FBXO7: variants seen among roughly 807,000 people sequenced by gnomAD.
The protein encoded by FBXO7 is F-box only protein 7.
A neutral mutation model predicts 50.2 loss-of-function variants in FBXO7; 31 were observed. That is an observed-to-expected ratio of 0.62 (90% CI 0.46 to 0.83). FBXO7 has a LOEUF of 0.83. Ranked by LOEUF, FBXO7 falls within the 40% of genes least tolerant of loss-of-function variation. The pLI, the probability that FBXO7 is intolerant of heterozygous loss-of-function variation, is 0.00. For missense variants in FBXO7, 667 were observed against 646.6 expected, an observed-to-expected ratio of 1.03 and a Z score of -0.34; for synonymous variants, 256 against 253.1, an observed-to-expected ratio of 1.01 and a Z score of -0.11.
At chr22:32,495,291 C>CAGAGCACAACA (rs1282075593) in intron 7 of FBXO7, among the ~76,000 whole-genome samples, 3 of 152,060 alleles carry the variant, frequency 2.0e-5, no homozygotes, top group Admixed American at 6.6e-5. Flanking sequence ...CAGCAATGAT[C>CAGAGCACAACA]ACCCTTAACC....
At position 32,479,003 on chromosome 22, in the gene FBXO7, A is replaced by G; in HGVS notation, c.145A>G (p.Thr49Ala). Residue 49 changes from threonine to alanine, a missense_variant, in exon 2 of 9, where the codon ACA becomes GCA. By Grantham distance (58) the Thr-to-Ala change is moderately conservative (BLOSUM62 0). Coordinates refer to ENST00000266087, the MANE Select transcript of FBXO7 (RefSeq NM_012179.4). ...CAGTTCTAATACCCGATTTACAATT[A>G]CATTGAACTACAAGGATCCCCTCAC... is the stretch of plus-strand genomic sequence containing the variant. ...GYSSNTRFTI[T>A]LNYKDPLTGD... 1 of 1,614,232 alleles carries G rather than the reference A, an allele frequency of 6.2e-7. No individual in the cohort carries two copies. The highest frequency in any genetic ancestry group is 8.5e-7 in the Non-Finnish European group (1 of 1,180,032).
At chr22:32,497,093 C>T (rs1477661949) in intron 8 of FBXO7, among the ~76,000 whole-genome samples, 1 of 152,200 alleles carries the variant, frequency 6.6e-6, no homozygotes, top group Non-Finnish European at 1.5e-5. Flanking sequence ...GCTGCAGTCT[C>T]ACAGTCAAAC....
rs1317422270 is a variant in FBXO7, at chr22:32,491,155, A to G, written c.941A>G (p.Tyr314Cys). The G allele has an allele frequency of 2.5e-6, 4 of 1,612,342 alleles. No homozygotes were observed. The highest frequency in any genetic ancestry group is 3.4e-6 in the Non-Finnish European group (4 of 1,178,566). ...LSRLFKDQLV[Y>C]PLLAFTRQAL... Reference sequence around the variant, plus strand: ...CGCCTCTTTAAAGACCAGCTGGTGTATCCTCTTCTGGCTTTTACCCGACAA... The same window carrying G: ...CGCCTCTTTAAAGACCAGCTGGTGTGTCCTCTTCTGGCTTTTACCCGACAA... The change falls in exon 6 of 9, where the codon TAT becomes TGT. Residue 314 changes from tyrosine (Y) to cysteine (C), a missense_variant. Physicochemically the swap from Tyr to Cys is radical, Grantham distance 194. Transcript: ENST00000266087.
chr22:32,475,528 A>G, intron 1 of FBXO7: 1 of 1,114,186 alleles, frequency 9.0e-7, no homozygotes, highest in Non-Finnish European at 1.3e-6. Context: ...CTGGACTGTG[A>G]GGGGTCCGAG....
At chr22:32,481,375 A>G (rs2057463847) in intron 2 of FBXO7, among the ~76,000 whole-genome samples, 1 of 152,046 alleles carries the variant, frequency 6.6e-6, no homozygotes, top group Non-Finnish European at 1.5e-5. Context: ...CATTACTTTT[A>G]CTTCTGTGTA....
In FBXO7 at chr22:32,475,262, G is replaced by T. The variant is rs1348857968; in HGVS notation, c.122+138G>T. ...GGCCAAGTGCGGGGACGCCGGGGGG[G>T]CCTTCACGGGAGGCCCGGGCTCTTC... On this transcript the variant is annotated intron_variant, in intron 1 of 8. Transcript: ENST00000266087. The T allele has an allele frequency of 2.6e-6, 4 of 1,561,204 alleles. No homozygotes were observed. In the East Asian group the frequency reaches 7.1e-5, roughly 28 times the overall value.
rs372539115 is a variant in FBXO7, at chr22:32,485,141, A to G, written c.719A>G (p.His240Arg). 6.2e-7 allele frequency: 1 copy of G among 1,614,206 alleles called. No homozygotes were observed. Among genetic ancestry groups the G allele is most frequent in the Admixed American group, 1.7e-5 (1 of 60,030 alleles). Residue 240 changes from histidine to arginine, a missense_variant, in exon 4 of 9, where the codon CAT (histidine) becomes CGT (arginine). Coordinates refer to ENST00000266087, the MANE Select transcript of FBXO7 (RefSeq NM_012179.4). The stretch of plus-strand genomic sequence containing the variant: ...GGGGTGTATAAGCTGCAGTACATGC[A>G]TCCTCTCTGCGAGGGCAGCTCCGCT... ...LSGVYKLQYM[H>R]PLCEGSSATL...
rs1201708753 is a variant in FBXO7 at position 32,484,142 on chromosome 22, AAC to A, written c.645+22_645+23del. On this transcript the variant is annotated intron_variant, in intron 3 of 8. Transcript: ENST00000266087. ...TACCTCAGGTAAGTACTGCAAGCAA[AAC>A]ACAGACATCTTATGATTGCTCATAC... is the stretch of plus-strand genomic sequence containing the variant. 1.3e-5 allele frequency: 21 copies of A among 1,591,782 alleles called. No individual in the cohort carries two copies. Among genetic ancestry groups the A allele is most frequent in the Non-Finnish European group, 1.8e-5 (21 of 1,159,546 alleles).
rs1166816924 is a variant in FBXO7 at position 32,498,681 on chromosome 22, C to T, written c.*151C>T. 6.4e-6 allele frequency: 6 copies of T among 941,724 alleles called. No individual in the cohort carries two copies. The highest frequency in any genetic ancestry group is 8.0e-6 in the Non-Finnish European group (5 of 622,986). 58.3% of individuals were successfully genotyped at this position (941,724 alleles called of 1,614,324 possible). Reference sequence around the variant, plus strand: ...AACCTTTTAAGAGATACATTTATAGCCCTAGGGGTGGTATGACCCAAAGGT... The same window carrying T: ...AACCTTTTAAGAGATACATTTATAGTCCTAGGGGTGGTATGACCCAAAGGT... On this transcript the variant is annotated 3_prime_UTR_variant, in exon 9 of 9. Coordinates refer to ENST00000266087, the MANE Select transcript of FBXO7 (RefSeq NM_012179.4).
chr22:32,478,957 A>G (rs777886803), intron 1 of FBXO7, 24 bp from the exon 2 acceptor site: 8 of 1,611,274 alleles, frequency 5.0e-6, no homozygotes, highest in East Asian at 2.2e-5. Context: ...AGTTCTTACT[A>G]TGCTTATCTG....
intron 8 of FBXO7, 94 bp from the exon 9 acceptor site, chr22:32,498,050 C>G (rs1371770592): frequency 1.5e-6 from 2 of 1,334,282 alleles, no homozygotes; most frequent in Non-Finnish European, 2.1e-6. Flanking sequence ...TGAGGTGTGC[C>G]TATAGATCTT....
In FBXO7 at chr22:32,474,893, G is replaced by A; in HGVS notation, c.-110G>A. The A allele has an allele frequency of 9.1e-7, 1 of 1,102,674 alleles. No homozygotes were observed. The highest frequency in any genetic ancestry group is 1.3e-6 in the Non-Finnish European group (1 of 799,052). 68.3% of individuals were successfully genotyped at this position (1,102,674 alleles called of 1,614,324 possible). ...TTCGCCTCAGCTACCCCTCAGCTCC[G>A]GTAGTCGCCAGTCCGGGGTCGTCGC... is the stretch of plus-strand genomic sequence containing the variant. On this transcript the variant is annotated 5_prime_UTR_variant, in exon 1 of 9. Transcript: ENST00000266087.
chr22:32,479,875 A>G (rs1424472049), intron 2 of FBXO7, among the ~76,000 whole-genome samples: 2 of 152,086 alleles, frequency 1.3e-5, no homozygotes, highest in Non-Finnish European at 2.9e-5. Context: ...TGCTTCTCTG[A>G]TCTGGTCCGC....
chr22:32,489,236 G>T (rs902909377), intron 5 of FBXO7: 8 of 152,092 alleles, frequency 5.3e-5, no homozygotes, highest in African/African-American at 1.7e-4. Context: ...CACAAATATA[G>T]TATGTTTTAT....
rs750768390 is a variant in FBXO7 at position 32,498,390 on chromosome 22, C to T, written c.1429C>T (p.Pro477Ser). Residue 477 changes from proline to serine, a missense_variant, in exon 9 of 9, where the codon CCA (proline) becomes TCA (serine). Coordinates refer to ENST00000266087, the MANE Select transcript of FBXO7 (RefSeq NM_012179.4). ...TGGGGAGACGCCCAGCCAGTTTCCT[C>T]CACTGAGACCACGCTTTGATCCAGT... ...GPGETPSQFP[P>S]LRPRFDPVGP... The T allele has an allele frequency of 1.4e-5, 22 of 1,614,204 alleles. No homozygotes were observed. Among genetic ancestry groups the T allele is most frequent in the East Asian group, 4.5e-5 (2 of 44,882 alleles).
intron 1 of FBXO7, chr22:32,475,455 C>T (rs8140067): frequency 1.9e-6 from 3 of 1,596,708 alleles, no homozygotes; most frequent in Admixed American, 3.4e-5. Context: ...AGGGAACGCA[C>T]AATTTCCACA....
At chr22:32,495,368 G>GTTTTTTT in intron 7 of FBXO7, 125 bp from the exon 8 acceptor site, 1 of 502,764 alleles carries the variant, frequency 2.0e-6, no homozygotes, top group Non-Finnish European at 3.5e-6. Flanking sequence ...TAAATGGTTA[G>GTTTTTTT]TTTTTTTTTT....
At chr22:32,483,725 G>A (rs1034724462) in intron 2 of FBXO7, among the ~76,000 whole-genome samples, 172 bp from the exon 3 acceptor site, 1 of 152,120 alleles carries the variant, frequency 6.6e-6, no homozygotes, top group Non-Finnish European at 1.5e-5. Context: ...AATTCAGGAT[G>A]GAAGAGTAGG....
Position 32,493,119 on chromosome 22 carries a change from G to T in FBXO7, c.982G>T (p.Asp328Tyr), listed in dbSNP as rs1279582724. The change falls in exon 7 of 9, where the codon GAT becomes TAT. Residue 328 changes from aspartate (D) to tyrosine (Y), a missense_variant. By Grantham distance (160) the Asp-to-Tyr change is radical. Coordinates refer to ENST00000266087, the MANE Select transcript of FBXO7 (RefSeq NM_012179.4). Reference protein sequence around the residue: ...AFTRQALNLPDVFGLVVLPLE... With the variant: ...AFTRQALNLPYVFGLVVLPLE... ...TTTCCTTTTAGCACTGAACCTACCA[G>T]ATGTATTTGGGTTGGTCGTCCTCCC... is the stretch of plus-strand genomic sequence containing the variant. 6.2e-7 allele frequency: 1 copy of T among 1,614,144 alleles called. No individual in the cohort carries two copies. The highest frequency in any genetic ancestry group is 2.2e-5 in the East Asian group (1 of 44,878).
Sources: allele counts gnomAD v4.1 joint callset (sites outside exome capture counted in the v4.1 genomes callset), GRCh38; gene constraint gnomAD v4.1.1; transcripts MANE v1.5; gene names NCBI Gene and HGNC (gene_info 2026-07-23, HGNC 2026-07-21).